Variants in ATG2B observed in about 807,000 individuals in gnomAD.
ATG2B encodes the protein autophagy-related protein 2 homolog B.
Under a neutral mutation model 241.3 loss-of-function variants are expected in ATG2B, and 121 were observed. The ratio of observed to expected loss-of-function variants is 0.50; its 90% CI spans 0.43 to 0.58. The LOEUF (loss-of-function observed/expected upper bound fraction) is 0.58. Ranked by LOEUF, ATG2B falls within the 20% of genes least tolerant of loss-of-function variation. ATG2B has a pLI of 0.00. For synonymous variants in ATG2B, 858 were observed against 876.6 expected, an observed-to-expected ratio of 0.98 and a Z score of 0.37; for missense variants, 2,306 against 2,491.6, an observed-to-expected ratio of 0.93 and a Z score of 1.59.
In ATG2B at chr14:96,325,828, G is replaced by A; in HGVS notation, c.2258C>T (p.Ser753Phe). 1.2e-6 allele frequency: 2 copies of A among 1,614,044 alleles called. No homozygotes were observed. The highest frequency in any genetic ancestry group is 3.3e-5 in the Admixed American group (2 of 60,002). Residue 753 changes from serine (S) to phenylalanine (F), a missense_variant, in exon 15 of 42, where the codon TCT becomes TTT. Physicochemically the swap from Ser to Phe is radical, Grantham distance 155. Coordinates refer to ENST00000359933, the MANE Select transcript of ATG2B (RefSeq NM_018036.7). ...VQVATPALNL[S>F]VRFPIPDLRS... ...AAGATCAGGTATTGGGAAGCGAACA[G>A]AAAGGTTTAATGCTGGTGTGGCAAC...
intron 38 of ATG2B, 68 bp from the exon 39 acceptor site, chr14:96,291,003 T>G (rs1381210406): frequency 1.2e-5 from 15 of 1,291,952 alleles, no homozygotes; most frequent in African/African-American, 1.5e-5. Flanking sequence ...AGTTTGAGGG[T>G]TTTTTTTTAC....
chr14:96,345,965 T>C (rs1323910629), intron 2 of ATG2B, among the ~76,000 whole-genome samples: 1 of 152,124 alleles, frequency 6.6e-6, no homozygotes, highest in Non-Finnish European at 1.5e-5. Flanking sequence ...AAAATAATAG[T>C]AAATTCTGCC....
At chr14:96,301,986 A>T (rs775862330) in intron 34 of ATG2B, 21 bp downstream of exon 34, 6 of 1,564,744 alleles carry the variant, frequency 3.8e-6, no homozygotes, top group Non-Finnish European at 5.3e-6. Context: ...TAACGGCAGG[A>T]ATCACGCTCA....
Position 96,285,929 on chromosome 14 carries a change from G to T in ATG2B, c.6063C>A (p.Ser2021Arg). 1 of 1,614,002 alleles carries T rather than the reference G, an allele frequency of 6.2e-7. No individual in the cohort carries two copies. The highest frequency in any genetic ancestry group is 8.5e-7 in the Non-Finnish European group (1 of 1,180,020). ...IYETAAREHESRGVTGAVGEV... is the reference protein window; with the variant it reads ...IYETAAREHERRGVTGAVGEV... Reference sequence around the variant, plus strand: ...CGCCCACGGCACCAGTCACCCCTCTGCTCTCGTGTTCTCGAGCCGCAGTTT... The same window carrying T: ...CGCCCACGGCACCAGTCACCCCTCTTCTCTCGTGTTCTCGAGCCGCAGTTT... Residue 2021 changes from serine (S) to arginine (R), a missense_variant, in exon 42 of 42, where the codon AGC (serine) becomes AGA (arginine). Physicochemically the swap from Ser to Arg is moderately radical, Grantham distance 110. This residue lies in a region of ATG2B where 379 missense variants were observed against 480.4 expected (regional missense o/e 0.79). Transcript: ENST00000359933. The surrounding 1 kb of genome is among the most constrained non-coding windows in gnomAD (Gnocchi z 4.2).
At chr14:96,343,053 A>G (rs1326933886) in intron 5 of ATG2B, 66 bp downstream of exon 5, 2 of 1,295,818 alleles carry the variant, frequency 1.5e-6, no homozygotes, top group African/African-American at 3.0e-5. Flanking sequence ...GCAAAATTTA[A>G]TAGCCCCCAT....
chr14:96,342,075 A>G (rs1426022619), intron 5 of ATG2B, among the ~76,000 whole-genome samples: 1 of 152,230 alleles, frequency 6.6e-6, no homozygotes, highest in Non-Finnish European at 1.5e-5. Context: ...AAGGGATTTA[A>G]CAGAGTTCCT....
intron 34 of ATG2B, among the ~76,000 whole-genome samples, chr14:96,301,387 T>C (rs1217913174): frequency 6.6e-6 from 1 of 152,204 alleles, no homozygotes; most frequent in African/African-American, 2.4e-5. Context: ...TTACTATACC[T>C]TGGCTGCGCA....
chr14:96,308,255 C>CATATAT (rs1162236859), intron 29 of ATG2B, among the ~76,000 whole-genome samples: 2 of 29,368 alleles, frequency 6.8e-5, no homozygotes, highest in Non-Finnish European at 1.2e-4. Context: ...TATATATACA[C>CATATAT]ACATATATAT....
At position 96,308,967 on chromosome 14, in the gene ATG2B, C is replaced by A. The variant is rs1271086314; in HGVS notation, c.4303+486G>T. On this transcript the variant is annotated intron_variant, in intron 29 of 41. Coordinates refer to ENST00000359933, the MANE Select transcript of ATG2B (RefSeq NM_018036.7). ...ATGTCATGGCTAAATAACTGAGGCTCATGCATGCCTTTGTCTGTGCTCTGT... is the reference window on the plus strand; with the variant it reads ...ATGTCATGGCTAAATAACTGAGGCTAATGCATGCCTTTGTCTGTGCTCTGT... 3.3e-5 allele frequency among the ~76,000 whole-genome samples: 5 copies of A among 152,272 alleles called. No individual in the cohort carries two copies. The South Asian group carries it at 6.2e-4, about 19-fold the overall frequency.
intron 6 of ATG2B, among the ~76,000 whole-genome samples, chr14:96,338,991 A>G (rs1489279862): frequency 1.3e-5 from 2 of 152,154 alleles, no homozygotes; most frequent in African/African-American, 2.4e-5. Context: ...ATATTTCTCA[A>G]AGAAGATATT....
chr14:96,344,707 T>G lies in ATG2B; in HGVS notation c.528A>C (p.Glu176Asp), dbSNP rs1186891555. 6.2e-7 allele frequency: 1 copy of G among 1,607,258 alleles called. No individual in the cohort carries two copies. Among genetic ancestry groups the G allele is most frequent in the Admixed American group, 1.7e-5 (1 of 59,128 alleles). ...CAGTTTTGGAATTTTCTGGCACATG[T>G]TCAATTCTCAAAACAGTATCTATAA... ...VTFIDTVLRIEHVPENSKTGT... is the reference protein window; with the variant it reads ...VTFIDTVLRIDHVPENSKTGT... The change falls in exon 4 of 42, where the codon GAA (glutamate) becomes GAC (aspartate). Residue 176 changes from glutamate (E) to aspartate (D), a missense_variant. Around this residue, in one of 2 missense-constraint regions of ATG2B, gnomAD observed 1,927 missense variants for 2,011.2 expected, o/e 0.96. Coordinates refer to ENST00000359933, the MANE Select transcript of ATG2B (RefSeq NM_018036.7).
At chr14:96,288,976 AG>A (rs1258752598) in intron 41 of ATG2B, among the ~76,000 whole-genome samples, 2 of 152,142 alleles carry the variant, frequency 1.3e-5, no homozygotes, top group African/African-American at 4.8e-5. Context: ...GTGGTGTTTC[AG>A]GGGAAAAATG....
chr14:96,323,699 A>G (rs752041868), intron 16 of ATG2B, among the ~76,000 whole-genome samples, 197 bp downstream of exon 16: 13 of 152,248 alleles, frequency 8.5e-5, no homozygotes, highest in African/African-American at 2.9e-4. Flanking sequence ...CAAGGCAGGC[A>G]GAAAAATAGC....
rs1203740812 is a variant in ATG2B at position 96,282,082 on chromosome 14, GC to G, written c.*3672del. 2.6e-5 allele frequency: 4 copies of G among 152,136 alleles called. No individual in the cohort carries two copies. The highest frequency in any genetic ancestry group is 9.7e-5 in the African/African-American group (4 of 41,426). The allele number at this position is 152,136 out of a possible 1,614,324, so 9.4% of individuals were successfully genotyped here. ...GAAATGTTGAGATAAAAAGAAGTTG[GC>G]ATTAAAGCACTATTTGTCTTATATG... On this transcript the variant is annotated 3_prime_UTR_variant, in exon 42 of 42. Coordinates refer to ENST00000359933, the MANE Select transcript of ATG2B (RefSeq NM_018036.7).
At position 96,359,480 on chromosome 14, in the gene ATG2B, C is replaced by T. The variant is rs147048690; in HGVS notation, c.162+3335G>A. 4.0e-3 allele frequency among the ~76,000 whole-genome samples: 612 copies of T among 152,240 alleles called. 22 individuals are homozygous for T. In the South Asian group the frequency reaches 0.059, roughly 15 times the overall value. The stretch of plus-strand genomic sequence containing the variant: ...TCTTTGTTTAGTTCACTGCTATATC[C>T]CCCAGCCCCTCACAGTGGCACATGC... On this transcript the variant is annotated intron_variant, in intron 1 of 41. Coordinates refer to ENST00000359933, the MANE Select transcript of ATG2B (RefSeq NM_018036.7).
In ATG2B at chr14:96,284,622, T is replaced by C. The variant is rs1037506113; in HGVS notation, c.*1133A>G. On this transcript the variant is annotated 3_prime_UTR_variant, in exon 42 of 42. Coordinates refer to ENST00000359933, the MANE Select transcript of ATG2B (RefSeq NM_018036.7). ...TCCCTCTTACTCCTAGGTAATGATT[T>C]ACCTGATATTAACCAAAATCGATTT... 1.1e-4 allele frequency: 16 copies of C among 152,372 alleles called. No homozygotes were observed. The East Asian group carries it at 3.1e-3, about 29-fold the overall frequency. 9.4% of individuals were successfully genotyped at this position (152,372 alleles called of 1,614,324 possible).
chr14:96,296,861 G>A (rs912397663), intron 34 of ATG2B, among the ~76,000 whole-genome samples: 7 of 151,474 alleles, frequency 4.6e-5, no homozygotes, highest in African/African-American at 7.3e-5. Context: ...TTAGTGGCAC[G>A]CCAAAACAGT....
chr14:96,340,148 A>ATTCATATATATCATATATG (rs1595326896), intron 6 of ATG2B, among the ~76,000 whole-genome samples: 1 of 14,618 alleles, frequency 6.8e-5, no homozygotes, highest in Non-Finnish European at 2.0e-4. Flanking sequence ...GATATATATG[A>ATTCATATATATCATATATG]ATATATATAT....
chr14:96,322,208 T>G lies in ATG2B; in HGVS notation c.2783A>C (p.Lys928Thr). Residue 928 changes from lysine (K) to threonine (T), a missense_variant, in exon 18 of 42, where the codon AAA becomes ACA. This residue lies in a region of ATG2B where 1,927 missense variants were observed against 2,011.2 expected (regional missense o/e 0.96). Transcript: ENST00000359933. ...CACATAGTGAGAATTGCTGATTGCT[T>G]TATCCTGAAATTCTGTCATTTCTAC... ...DPVEMTEFQD[K>T]AISNSHYVLE... The G allele has an allele frequency of 1.3e-6, 2 of 1,599,442 alleles. No homozygotes were observed. Among genetic ancestry groups the G allele is most frequent in the Non-Finnish European group, 1.7e-6 (2 of 1,175,764 alleles).
Sources: gnomAD v4.1 joint callset for allele counts (sites outside exome capture counted in the v4.1 genomes callset) on GRCh38, gnomAD v4.1.1 for gene constraint, gnomAD v4.1.1 regional missense constraint, Gnocchi (gnomAD v3.1) non-coding constraint, MANE v1.5 for transcripts, NCBI Gene and HGNC (gene_info 2026-07-23, HGNC 2026-07-21) for gene names.